Variants in ITPK1 observed in about 807,000 individuals in gnomAD.
ITPK1 encodes inositol-tetrakisphosphate 1-kinase, also known as inositol 1,3,4-trisphosphate 5/6-kinase.
ITPK1 carries 21 observed loss-of-function variants against 45.3 expected under a neutral mutation model. The ratio of observed to expected loss-of-function variants is 0.46; its 90% CI spans 0.33 to 0.67. The LOEUF is 0.67. Among genes scored for constraint, ITPK1 ranks in the 30% least tolerant of loss-of-function variants. The pLI, the probability that ITPK1 is intolerant of heterozygous loss-of-function variation, is 0.02. For missense variants in ITPK1, 474 were observed against 573.5 expected, an observed-to-expected ratio of 0.83 and a Z score of 1.77; for synonymous variants, 258 against 253.6, an observed-to-expected ratio of 1.02 and a Z score of -0.16.
At chr14:92,942,319 T>C (rs545504074) in intron 10 of ITPK1, among the ~76,000 whole-genome samples, 6 of 152,208 alleles carry the variant, frequency 3.9e-5, no homozygotes, top group South Asian at 4.1e-4. Flanking sequence ...GAGTAATAAA[T>C]ACTCCTGAGG....
chr14:93,015,161 A>G (rs1025079033), intron 4 of ITPK1, among the ~76,000 whole-genome samples: 9 of 152,210 alleles, frequency 5.9e-5, no homozygotes, highest in Non-Finnish European at 1.3e-4. Context: ...AGAGAGGAAC[A>G]GAAGAGCAAG....
intron 3 of ITPK1, among the ~76,000 whole-genome samples, chr14:93,055,205 A>G (rs1890172419): frequency 6.6e-6 from 1 of 152,166 alleles, no homozygotes; most frequent in South Asian, 2.1e-4. Context: ...TACCCATTCT[A>G]CAGCCAATGG....
At chr14:93,093,383 G>A (rs758121836) in intron 2 of ITPK1, among the ~76,000 whole-genome samples, 1 of 152,176 alleles carries the variant, frequency 6.6e-6, no homozygotes, top group Non-Finnish European at 1.5e-5. Flanking sequence ...CGCCCCTGGC[G>A]TGGGGTGATG....
At chr14:93,111,737 A>T (rs1301539293) in intron 2 of ITPK1, among the ~76,000 whole-genome samples, 1 of 149,198 alleles carries the variant, frequency 6.7e-6, no homozygotes, top group Non-Finnish European at 1.5e-5. Context: ...AGCCACAAAG[A>T]GGGGGTGGTG....
intron 3 of ITPK1, among the ~76,000 whole-genome samples, chr14:93,053,901 G>C (rs77382471): frequency 1.3e-5 from 2 of 152,202 alleles, no homozygotes; most frequent in South Asian, 2.1e-4. Context: ...GGACAGCCAG[G>C]CTTCAGAAAC....
intron 5 of ITPK1, among the ~76,000 whole-genome samples, chr14:92,979,363 T>C (rs1031720209): frequency 6.6e-6 from 1 of 152,210 alleles, no homozygotes; most frequent in African/African-American, 2.4e-5. Flanking sequence ...TTTGAGTTAA[T>C]GCTGGAATGA....
intron 8 of ITPK1, among the ~76,000 whole-genome samples, chr14:92,955,360 C>G (rs1884642730): frequency 6.6e-6 from 1 of 152,176 alleles, no homozygotes; most frequent in African/African-American, 2.4e-5. Context: ...CTAAGAGAAA[C>G]AAGGCTCAAG....
intron 3 of ITPK1, among the ~76,000 whole-genome samples, chr14:93,017,531 A>T (rs1888243386): frequency 6.6e-6 from 1 of 151,946 alleles, no homozygotes; most frequent in South Asian, 2.1e-4. Flanking sequence ...GCGTCACCTG[A>T]CCCCAAGACA....
At chr14:93,018,175 G>A (rs1353132056) in intron 3 of ITPK1, among the ~76,000 whole-genome samples, 3 of 152,126 alleles carry the variant, frequency 2.0e-5, no homozygotes, top group South Asian at 4.1e-4. Flanking sequence ...AGAGAGGGAG[G>A]GAATGTATTT....
chr14:93,019,116 A>G (rs945956138), intron 3 of ITPK1, among the ~76,000 whole-genome samples: 5 of 152,336 alleles, frequency 3.3e-5, no homozygotes, highest in Non-Finnish European at 1.5e-5. Context: ...TTTCCACTAC[A>G]GCCTGTGGCT....
In ITPK1 at chr14:93,014,667, G is replaced by A. The variant is rs1888083418; in HGVS notation, c.246+2009C>T. ...CCTCCGCCTCATCCATCTCTGGAGA[G>A]GCCACACGACAGGTGAGGAGAGCAA... On this transcript the variant is annotated intron_variant, in intron 4 of 10. Transcript: ENST00000267615. This position sits in a 1 kb window ranked among gnomAD's most constrained non-coding sequence, Gnocchi z 4.4. Among the ~76,000 whole-genome samples the A allele has an allele frequency of 6.6e-6, 1 of 152,220 alleles. No individual in the cohort carries two copies. Among genetic ancestry groups the A allele is most frequent in the South Asian group, 2.1e-4 (1 of 4,832 alleles).
intron 2 of ITPK1, among the ~76,000 whole-genome samples, chr14:93,087,812 GCACAGCT>G (rs753664188): frequency 6.2e-4 from 95 of 152,364 alleles, no homozygotes; most frequent in Middle Eastern, 6.8e-3. Flanking sequence ...GAGGAGCACA[GCACAGCT>G]TTGCACGGTA....
In ITPK1 at chr14:92,939,870, G is replaced by A. The variant is rs773505523; in HGVS notation, c.*1691C>T. 4 of 985,706 alleles carry A rather than the reference G, an allele frequency of 4.1e-6. No individual in the cohort carries two copies. The highest frequency in any genetic ancestry group is 4.8e-6 in the Non-Finnish European group (4 of 829,920). 61.1% of individuals were successfully genotyped at this position (985,706 alleles called of 1,614,324 possible). A position where few individuals can be genotyped will look rare whatever the true frequency, so the allele number is the denominator to read the frequency against. On this transcript the variant is annotated 3_prime_UTR_variant, in exon 11 of 11. Transcript: ENST00000267615. ...TGTAAACACGTGTGAAATGCGGTTT[G>A]ATTTCAGTAGTTTATTTTGGAGACA...
intron 2 of ITPK1, among the ~76,000 whole-genome samples, chr14:93,093,484 T>G (rs1891945247): frequency 6.6e-6 from 1 of 152,180 alleles, no homozygotes; most frequent in Non-Finnish European, 1.5e-5. Flanking sequence ...AAGTCAGGCC[T>G]TGACCTCAGT....
At chr14:92,962,881 C>G (rs762057168) in intron 5 of ITPK1, 32 bp from the exon 6 acceptor site, 1 of 1,518,378 alleles carries the variant, frequency 6.6e-7, no homozygotes, top group Non-Finnish European at 9.1e-7. Flanking sequence ...GTCAGCACAG[C>G]TCCTGGGCAG....
chr14:93,006,434 T>C (rs1440667073), intron 4 of ITPK1, among the ~76,000 whole-genome samples: 1 of 152,210 alleles, frequency 6.6e-6, no homozygotes. Flanking sequence ...AAAGGGGCTG[T>C]GTGGGGCGGA....
chr14:92,946,322 G>A lies in ITPK1; in HGVS notation c.901+9C>T, dbSNP rs754149740. 19 of 1,612,468 alleles carry A rather than the reference G, an allele frequency of 1.2e-5. No individual in the cohort carries two copies. Among genetic ancestry groups the A allele is most frequent in the Non-Finnish European group, 1.4e-5 (17 of 1,179,924 alleles). ...GCCGGTCAGTGGAGGTGGCCTGGCCGCCACTCACCTGGGAAGGCATTGATG... is the reference window on the plus strand; with the variant it reads ...GCCGGTCAGTGGAGGTGGCCTGGCCACCACTCACCTGGGAAGGCATTGATG... On this transcript the variant is annotated intron_variant, in intron 10 of 10. Coordinates refer to ENST00000267615, the MANE Select transcript of ITPK1 (RefSeq NM_014216.6).
At chr14:92,945,573 C>T (rs4905013) in intron 10 of ITPK1, among the ~76,000 whole-genome samples, 2,751 of 152,350 alleles carry the variant, frequency 0.018, 74 homozygotes, top group Admixed American at 0.08. Flanking sequence ...ACCAAGGCAT[C>T]AAGCGCGGCT....
chr14:93,011,799 C>T (rs1887923761), intron 4 of ITPK1, among the ~76,000 whole-genome samples: 1 of 152,184 alleles, frequency 6.6e-6, no homozygotes, highest in African/African-American at 2.4e-5. Context: ...GCTCAGAGTT[C>T]ATCTTGCACT....
Sources: gnomAD v4.1 joint callset for allele counts (sites outside exome capture counted in the v4.1 genomes callset) on GRCh38, gnomAD v4.1.1 for gene constraint, Gnocchi (gnomAD v3.1) non-coding constraint, MANE v1.5 for transcripts, NCBI Gene and HGNC (gene_info 2026-07-23, HGNC 2026-07-21) for gene names.